Variants in MGAT4C observed in about 807,000 individuals in gnomAD.
MGAT4C encodes alpha-1,3-mannosyl-glycoprotein 4-beta-N-acetylglucosaminyltransferase C.
A neutral mutation model predicts 40.1 loss-of-function variants in MGAT4C; 19 were observed. That is an observed-to-expected ratio of 0.47 (90% confidence interval 0.33 to 0.70). The LOEUF (loss-of-function observed/expected upper bound fraction) is 0.70. Ranked by LOEUF, MGAT4C falls within the 30% of genes least tolerant of loss-of-function variation. MGAT4C has a pLI of 0.02. For synonymous variants in MGAT4C, 181 were observed against 187.1 expected, an observed-to-expected ratio of 0.97 and a Z score of 0.27; for missense variants, 491 against 563.2, an observed-to-expected ratio of 0.87 and a Z score of 1.30.
intron 2 of MGAT4C, among the ~76,000 whole-genome samples, chr12:86,651,530 AAT>A (rs1292963582): frequency 2.6e-5 from 4 of 151,902 alleles, no homozygotes; most frequent in Non-Finnish European, 4.4e-5. Flanking sequence ...ATTCATGTTA[AAT>A]ATGAGTTTGC....
chr12:86,829,268 GT>G (rs1445884267), intron 1 of MGAT4C, among the ~76,000 whole-genome samples: 3 of 151,284 alleles, frequency 2.0e-5, no homozygotes, highest in African/African-American at 7.3e-5. Context: ...ATACCATGTA[GT>G]TACTACCTGC....
intron 1 of MGAT4C, among the ~76,000 whole-genome samples, chr12:86,202,522 T>G (rs1403824598): frequency 6.6e-6 from 1 of 152,074 alleles, no homozygotes; most frequent in Non-Finnish European, 1.5e-5. Context: ...TCTTTGTGTG[T>G]TTCACTGAAT....
chr12:86,531,736 C>T (rs1011676859), intron 2 of MGAT4C, among the ~76,000 whole-genome samples: 6 of 151,716 alleles, frequency 4.0e-5, no homozygotes, highest in African/African-American at 1.5e-4. Context: ...TGTTAGGTAG[C>T]ATTACAAACA....
intron 3 of MGAT4C, among the ~76,000 whole-genome samples, chr12:86,399,935 G>A (rs1956326644): frequency 6.6e-6 from 1 of 152,204 alleles, no homozygotes; most frequent in Admixed American, 6.5e-5. Flanking sequence ...CCCAAGAATA[G>A]GGTTGTGGGA....
In MGAT4C at chr12:86,320,517, A is replaced by T. The variant is rs1004051201; in HGVS notation, c.-57+13548T>A. On this transcript the variant is annotated intron_variant, in intron 4 of 7. Coordinates refer to the MGAT4C transcript ENST00000548651. ...AACTGAAATTTATTGAGAATTTGCCATGTACCAAAAACTGTGCCAAATGCT... is the reference window on the plus strand; with the variant it reads ...AACTGAAATTTATTGAGAATTTGCCTTGTACCAAAAACTGTGCCAAATGCT... Among the ~76,000 whole-genome samples the T allele has an allele frequency of 2.0e-5, 3 of 152,284 alleles. No individual in the cohort carries two copies. The East Asian group carries it at 5.8e-4, about 29-fold the overall frequency.
rs1023456250 is a variant in MGAT4C, at chr12:86,023,557, A to C, written c.-7+26117T>G. On this transcript the variant is annotated intron_variant, in intron 2 of 4. Transcript: ENST00000611864. The stretch of plus-strand genomic sequence containing the variant: ...GCTTGGATCCTGTTTTGTAACTTCA[A>C]ATTTTGTAGAATCACGAAATATATT... Among the ~76,000 whole-genome samples, 24 of 149,782 alleles carry C rather than the reference A, an allele frequency of 1.6e-4. No individual in the cohort carries two copies. The East Asian group carries it at 3.7e-3, about 23-fold the overall frequency.
chr12:86,775,704 T>A (rs1024447715), intron 1 of MGAT4C, among the ~76,000 whole-genome samples: 2 of 151,748 alleles, frequency 1.3e-5, no homozygotes, highest in Non-Finnish European at 2.9e-5. Flanking sequence ...ACATGGATAG[T>A]AACCTTTGAA....
intron 1 of MGAT4C, among the ~76,000 whole-genome samples, chr12:86,108,526 G>T (rs1452714141): frequency 6.6e-6 from 1 of 151,914 alleles, no homozygotes; most frequent in Non-Finnish European, 1.5e-5. Flanking sequence ...CCTCTGTTCT[G>T]CCAGCCATAA....
At chr12:86,505,612 A>G (rs1958458338) in intron 2 of MGAT4C, among the ~76,000 whole-genome samples, 1 of 152,238 alleles carries the variant, frequency 6.6e-6, no homozygotes, top group Admixed American at 6.5e-5. Flanking sequence ...GAAATGGTTA[A>G]GCATACCTTG....
chr12:86,322,899 G>C lies in MGAT4C; in HGVS notation c.-57+11166C>G, dbSNP rs1954430895. Among the ~76,000 whole-genome samples the C allele has an allele frequency of 2.6e-5, 4 of 152,106 alleles. No individual in the cohort carries two copies. In the South Asian group the frequency reaches 8.3e-4, roughly 32 times the overall value. On this transcript the variant is annotated intron_variant, in intron 4 of 7. Coordinates refer to the MGAT4C transcript ENST00000548651. ...ACTTGCTTCAGTTTCTGTATACATT[G>C]TCAAGTTTATTGCAGGAAATGCGGA...
rs1237339316 is a variant in MGAT4C, at chr12:85,968,572, A to G, written c.*10717T>C. ...AAAAGGGCAGGAAACAACACAGAAT[A>G]ATCTACGCTTGTCATCATGTTTTCT... On this transcript the variant is annotated 3_prime_UTR_variant, in exon 5 of 5. Transcript: ENST00000611864. 6.6e-6 allele frequency: 1 copy of G among 151,958 alleles called. No individual in the cohort carries two copies. The highest frequency in any genetic ancestry group is 2.4e-5 in the African/African-American group (1 of 41,408). 9.4% of individuals were successfully genotyped at this position (151,958 alleles called of 1,614,324 possible).
At chr12:86,382,115 G>C (rs376148915) in intron 3 of MGAT4C, among the ~76,000 whole-genome samples, 12 of 152,304 alleles carry the variant, frequency 7.9e-5, no homozygotes, top group African/African-American at 2.9e-4. Context: ...AAGAATACAA[G>C]AAAATGTGGG....
At chr12:86,773,870 A>G (rs1248385739) in intron 1 of MGAT4C, among the ~76,000 whole-genome samples, 1 of 150,804 alleles carries the variant, frequency 6.6e-6, no homozygotes, top group Non-Finnish European at 1.5e-5. Flanking sequence ...ATACTTAAGT[A>G]TAGATTATTT....
intron 1 of MGAT4C, among the ~76,000 whole-genome samples, chr12:86,180,060 G>A (rs1422566533): frequency 3.3e-5 from 5 of 152,210 alleles, no homozygotes; most frequent in Admixed American, 6.5e-5. Flanking sequence ...CCTGTGCTGT[G>A]TGCACCCTTG....
intron 2 of MGAT4C, among the ~76,000 whole-genome samples, chr12:86,532,454 T>C (rs908133320): frequency 1.3e-5 from 2 of 152,036 alleles, no homozygotes; most frequent in Non-Finnish European, 2.9e-5. Flanking sequence ...ATTTTAACAA[T>C]GTAGAAAATT....
chr12:86,262,969 T>G (rs907840016), intron 4 of MGAT4C, among the ~76,000 whole-genome samples: 3 of 152,082 alleles, frequency 2.0e-5, no homozygotes, highest in African/African-American at 7.2e-5. Context: ...TGTCATTTGT[T>G]TAAAAGGTTT....
At chr12:86,030,182 C>T (rs2136901268) in intron 2 of MGAT4C, among the ~76,000 whole-genome samples, 1 of 151,786 alleles carries the variant, frequency 6.6e-6, no homozygotes, top group Non-Finnish European at 1.5e-5. Context: ...GTAGATACAA[C>T]TCTTAAGTGA....
chr12:86,318,213 T>G (rs1015802640), intron 4 of MGAT4C, among the ~76,000 whole-genome samples: 5 of 152,164 alleles, frequency 3.3e-5, no homozygotes, highest in African/African-American at 1.2e-4. Context: ...TTTATGAATT[T>G]TTTTGTCATT....
At chr12:85,991,950 G>A (rs1047232847) in intron 2 of MGAT4C, among the ~76,000 whole-genome samples, 7 of 152,078 alleles carry the variant, frequency 4.6e-5, no homozygotes, top group African/African-American at 7.2e-5. Context: ...GGTGACCAGC[G>A]AGCCATCTTC....
Sources: allele counts gnomAD v4.1 joint callset (sites outside exome capture counted in the v4.1 genomes callset), GRCh38; gene constraint gnomAD v4.1.1; transcripts MANE v1.5; gene names NCBI Gene and HGNC (gene_info 2026-07-23, HGNC 2026-07-21).